Variants in KIF4A observed in about 807,000 individuals in gnomAD.
The protein encoded by KIF4A is kinesin family member 4A.
In KIF4A, 7 loss-of-function variants were observed where a neutral mutation model predicts 105.9. The observed-to-expected ratio is 0.07, with a 90% CI of 0.04 to 0.12. KIF4A has a LOEUF of 0.12. KIF4A is among the 10% of genes least tolerant of loss of function. The pLI is 1.00. For missense variants in KIF4A, 558 were observed against 929.2 expected (o/e 0.60, Z 5.19); for synonymous variants, 281 against 331.3 (o/e 0.85, Z 1.65).
intron 13 of KIF4A, among the ~76,000 whole-genome samples, chrX:70,344,949 AG>A (rs2085986565): frequency 8.9e-6 from 1 of 112,115 alleles, no homozygotes; most frequent in African/African-American, 3.2e-5. Context: ...AAAGACTATT[AG>A]GCAGTGTTTT....
chrX:70,381,125 G>A (rs1305660134), intron 18 of KIF4A, among the ~76,000 whole-genome samples: 1 of 111,633 alleles, frequency 9.0e-6, no homozygotes, highest in Non-Finnish European at 1.9e-5. Flanking sequence ...CTTCAGCCTG[G>A]GCTACAGAGC....
intron 9 of KIF4A, among the ~76,000 whole-genome samples, chrX:70,333,341 A>G (rs1321165122): frequency 2.7e-5 from 3 of 109,870 alleles, no homozygotes; most frequent in African/African-American, 9.9e-5. Context: ...AAAAGAAAAG[A>G]AAAGAAAAAA....
At chrX:70,341,243 G>A (rs2085971405) in intron 10 of KIF4A, among the ~76,000 whole-genome samples, 3 of 111,615 alleles carry the variant, frequency 2.7e-5, no homozygotes, top group Admixed American at 1.9e-4. Context: ...TTTTCTGAGT[G>A]GCCGCTGGTC....
At chrX:70,337,401 T>C (rs2085954557) in intron 10 of KIF4A, among the ~76,000 whole-genome samples, 1 of 111,809 alleles carries the variant, frequency 8.9e-6, no homozygotes, top group African/African-American at 3.3e-5. Flanking sequence ...CCAGGCGTGG[T>C]GGCTCATGCC....
chrX:70,346,823 A>G (rs1337054861), intron 13 of KIF4A, among the ~76,000 whole-genome samples: 3 of 111,764 alleles, frequency 2.7e-5, no homozygotes, highest in Non-Finnish European at 5.6e-5. Context: ...ATACACAACA[A>G]TGTATCCCAT....
chrX:70,409,794 C>CAAA (rs780576920), intron 28 of KIF4A, among the ~76,000 whole-genome samples: 1 of 42,206 alleles, frequency 2.4e-5, no homozygotes, highest in African/African-American at 9.0e-5. Flanking sequence ...AAGACTGTCT[C>CAAA]AAAAAAAAAA....
chrX:70,413,662 C>CG (rs2086331871), intron 28 of KIF4A, among the ~76,000 whole-genome samples: 1 of 107,832 alleles, frequency 9.3e-6, no homozygotes, highest in African/African-American at 3.4e-5. Flanking sequence ...TTGGGTAGGC[C>CG]GGGCACGGTG....
At chrX:70,382,195 C>T (rs1569247660) in intron 18 of KIF4A, among the ~76,000 whole-genome samples, 1 of 112,316 alleles carries the variant, frequency 8.9e-6, no homozygotes, top group African/African-American at 3.2e-5. Context: ...TGTGGGATGC[C>T]GAGGCGGGTG....
intron 7 of KIF4A, among the ~76,000 whole-genome samples, chrX:70,316,099 C>T (rs2085868183): frequency 9.0e-6 from 1 of 111,509 alleles, no homozygotes; most frequent in Non-Finnish European, 1.9e-5. Flanking sequence ...GGAATAGAGG[C>T]GATTTGGAAT....
In KIF4A at chrX:70,329,399, T is replaced by C. The variant is rs2085922205; in HGVS notation, c.779-6T>C. On this transcript the variant is annotated splice_polypyrimidine_tract_variant and splice_region_variant and intron_variant, in intron 7 of 30. Transcript: ENST00000374403. ...AAGCAATTTAAATTTCATTTCCTGC[T>C]ATTAGGTATTAATATTAACCGAGGC... The C allele has an allele frequency of 1.7e-6, 2 of 1,196,892 alleles. No individual in the cohort carries two copies. Among genetic ancestry groups the C allele is most frequent in the Admixed American group, 4.4e-5 (2 of 45,634 alleles).
At chrX:70,371,563 C>T (rs2086133183) in intron 15 of KIF4A, among the ~76,000 whole-genome samples, 1 of 107,441 alleles carries the variant, frequency 9.3e-6, no homozygotes, top group Non-Finnish European at 1.9e-5. Context: ...CGGGCAGAGG[C>T]GCCCCTTACC....
intron 4 of KIF4A, 81 bp from the exon 5 acceptor site, chrX:70,299,032 A>T (rs1198317784): frequency 2.9e-6 from 2 of 691,595 alleles, no homozygotes; most frequent in Non-Finnish European, 4.2e-6. Context: ...AAATAATTTT[A>T]AAAATTACCT....
In KIF4A at chrX:70,290,819, A is replaced by G; in HGVS notation, c.235+14A>G. 1 of 1,069,378 alleles carries G rather than the reference A, an allele frequency of 9.4e-7. No homozygotes were observed. Among genetic ancestry groups the G allele is most frequent in the East Asian group, 3.0e-5 (1 of 33,187 alleles). The allele number at this position is 1,069,378 out of a possible 1,213,427, so 88.1% of individuals were successfully genotyped here. On this transcript the variant is annotated intron_variant, in intron 3 of 30. Coordinates refer to ENST00000374403, the MANE Select transcript of KIF4A (RefSeq NM_012310.5). The stretch of plus-strand genomic sequence containing the variant: ...GTGTATTTAAAGGTAAGGCGATTTG[A>G]TTCCTCGAACGTAACATATATATTC...
intron 22 of KIF4A, chrX:70,396,322 G>A (rs767505297): frequency 4.0e-5 from 8 of 197,680 alleles, no homozygotes; most frequent in Admixed American, 7.2e-5. Flanking sequence ...ATTAACATTA[G>A]TGTCACTGAA....
intron 28 of KIF4A, 150 bp downstream of exon 28, chrX:70,407,225 A>C: frequency 1.7e-6 from 1 of 591,714 alleles, no homozygotes; most frequent in Non-Finnish European, 2.6e-6. Flanking sequence ...CTCGTGTCTC[A>C]GCCTCCTGAG....
chrX:70,375,691 A>G (rs755265937), intron 17 of KIF4A, among the ~76,000 whole-genome samples: 1 of 111,939 alleles, frequency 8.9e-6, no homozygotes, highest in Non-Finnish European at 1.9e-5. Flanking sequence ...ACACCTAGAG[A>G]AAATTCTCAG....
In KIF4A at chrX:70,402,843, T is replaced by C. The variant is rs763170567; in HGVS notation, c.2619+148T>C. Reference sequence around the variant, plus strand: ...CATTAGAGAGTTTAGTAGATAAAGGTTGGTGTAAGCAAGTACAGGCCAGTC... The same window carrying C: ...CATTAGAGAGTTTAGTAGATAAAGGCTGGTGTAAGCAAGTACAGGCCAGTC... On this transcript the variant is annotated intron_variant, in intron 23 of 30. Transcript: ENST00000374403. The C allele has an allele frequency of 1.5e-3, 1,102 of 719,033 alleles. 2 individuals are homozygous for C. The highest frequency in any genetic ancestry group is 2.1e-3 in the Non-Finnish European group (1,017 of 488,340). The allele number at this position is 719,033 out of a possible 1,213,427, so 59.3% of individuals were successfully genotyped here.
intron 4 of KIF4A, among the ~76,000 whole-genome samples, chrX:70,298,197 GC>G (rs1161662646): frequency 3.6e-5 from 4 of 110,318 alleles, no homozygotes; most frequent in African/African-American, 1.3e-4. Flanking sequence ...GATTGCTTGA[GC>G]CCCAGAGTGA....
At chrX:70,365,685 G>A (rs1179447919) in intron 15 of KIF4A, among the ~76,000 whole-genome samples, 1 of 111,240 alleles carries the variant, frequency 9.0e-6, no homozygotes, top group Non-Finnish European at 1.9e-5. Context: ...GTTCATCAGG[G>A]ATATTGGTCT....
Sources: allele counts gnomAD v4.1 joint callset (sites outside exome capture counted in the v4.1 genomes callset), GRCh38; gene constraint gnomAD v4.1.1; transcripts MANE v1.5; gene names NCBI Gene and HGNC (gene_info 2026-07-23, HGNC 2026-07-21).